The following GLT8D2 variants were observed in gnomAD, a reference collection of about 807,000 sequenced individuals.
GLT8D2 encodes glycosyltransferase 8 domain-containing protein 2.
A neutral mutation model predicts 44.5 loss-of-function variants in GLT8D2; 45 were observed. That is an observed-to-expected ratio of 1.01 (90% confidence interval 0.80 to 1.30). The LOEUF (loss-of-function observed/expected upper bound fraction) is 1.30, where lower values mean the gene tolerates loss of function less well. Ranked by LOEUF, GLT8D2 falls within the 50% of genes most tolerant of loss-of-function variation. GLT8D2 has a pLI of 0.00. For synonymous variants in GLT8D2, 156 were observed against 157.2 expected (o/e 0.99, Z 0.06); for missense variants, 400 against 430.4 (o/e 0.93, Z 0.62).
At chr12:104,050,660 G>C (rs1440771458), upstream of GLT8D2, among the ~76,000 whole-genome samples, 1 of 152,142 alleles carries the variant, frequency 6.6e-6, no homozygotes, top group Admixed American at 6.5e-5. Flanking sequence ...TCAAACCCGG[G>C]AGATGGTGCC....
chr12:104,063,185 G>A (rs555156680), intron 1 of GLT8D2, among the ~76,000 whole-genome samples: 21 of 152,210 alleles, frequency 1.4e-4, no homozygotes, highest in African/African-American at 4.8e-4. Flanking sequence ...AGCTGAAACA[G>A]GCAGTCACAA....
intron 10 of GLT8D2, among the ~76,000 whole-genome samples, chr12:103,991,291 A>C (rs1299177259): frequency 5.9e-5 from 9 of 152,128 alleles, no homozygotes; most frequent in Admixed American, 5.9e-4. Flanking sequence ...GGTTTAGGCT[A>C]TTCTCCTGCA....
chr12:104,001,838 G>A (rs1392947748), intron 5 of GLT8D2, among the ~76,000 whole-genome samples: 1 of 152,130 alleles, frequency 6.6e-6, no homozygotes, highest in Non-Finnish European at 1.5e-5. Flanking sequence ...CCAGTAGCTA[G>A]GATTACAGGA....
intron 1 of GLT8D2, among the ~76,000 whole-genome samples, chr12:104,025,103 C>T (rs896256172): frequency 9.4e-5 from 14 of 149,164 alleles, no homozygotes; most frequent in African/African-American, 3.0e-4. Flanking sequence ...CTGTGTTACG[C>T]GATTTGCAAA....
chr12:104,003,837 C>G (rs1271093309), intron 4 of GLT8D2, among the ~76,000 whole-genome samples: 3 of 152,074 alleles, frequency 2.0e-5, no homozygotes, highest in Non-Finnish European at 2.9e-5. Flanking sequence ...AAACCATACC[C>G]CCAAAGAGTT....
intron 1 of GLT8D2, among the ~76,000 whole-genome samples, chr12:104,021,924 GAAGAAGAAGAAGAAGAA>G (rs1877775606): frequency 9.2e-4 from 25 of 27,296 alleles, no homozygotes; most frequent in Middle Eastern, 0.014. Context: ...AGAAGAAGAA[GAAGAAGAAGAAGAAGAA>G]GAAGAAGAAG....
chr12:104,048,685 T>C (rs1041400038), intron 1 of GLT8D2, among the ~76,000 whole-genome samples: 1 of 152,110 alleles, frequency 6.6e-6, no homozygotes, highest in Non-Finnish European at 1.5e-5. Flanking sequence ...TGAGGAACAC[T>C]TGGACCACTG....
intron 1 of GLT8D2, among the ~76,000 whole-genome samples, chr12:104,055,958 C>G (rs1882152017): frequency 6.6e-6 from 1 of 152,216 alleles, no homozygotes; most frequent in South Asian, 2.1e-4. Flanking sequence ...AGGTCATCTT[C>G]CTGTTGCCCT....
chr12:104,048,925 G>A (rs1011020348), intron 1 of GLT8D2, among the ~76,000 whole-genome samples: 3 of 152,282 alleles, frequency 2.0e-5, no homozygotes, highest in East Asian at 1.9e-4. Flanking sequence ...ACCCGGAGTC[G>A]AGCTTAGAAG....
chr12:104,020,556 G>A (rs1349352507), intron 2 of GLT8D2, among the ~76,000 whole-genome samples: 2 of 152,192 alleles, frequency 1.3e-5, no homozygotes, highest in Non-Finnish European at 1.5e-5. Context: ...TTGGTCCAGT[G>A]GGGGAAACAG....
At chr12:103,996,885 A>G (rs755743531) in intron 7 of GLT8D2, 38 bp from the exon 8 acceptor site, 2 of 1,467,968 alleles carry the variant, frequency 1.4e-6, no homozygotes, top group Non-Finnish European at 1.9e-6. Flanking sequence ...ACATTATAGC[A>G]TTTGTTTTTG....
In GLT8D2 at chr12:103,996,823, G is replaced by A. The variant is rs149453281; in HGVS notation, c.512C>T (p.Thr171Ile). The change falls in exon 8 of 11, where the codon ACC becomes ATC. Residue 171 changes from threonine to isoleucine, a missense_variant. Coordinates refer to ENST00000360814, the MANE Select transcript of GLT8D2 (RefSeq NM_001384711.1). Reference protein sequence around the residue: ...VQGDIQELYDTTLALGHAAAF... With the variant: ...VQGDIQELYDITLALGHAAAF... ...CGCCGCGTGGCCCAGGGCCAAGGTG[G>A]TGTCATACAGTTCTTGGATATCACC... The A allele has an allele frequency of 2.2e-5, 36 of 1,613,284 alleles. No homozygotes were observed. The highest frequency in any genetic ancestry group is 8.0e-5 in the African/African-American group (6 of 74,884).
upstream of GLT8D2, among the ~76,000 whole-genome samples, chr12:104,051,225 A>G (rs1284033877): frequency 6.6e-6 from 1 of 151,856 alleles, no homozygotes; most frequent in Non-Finnish European, 1.5e-5. Flanking sequence ...GGTTCAGGCG[A>G]TCCTCCCGTC....
intron 1 of GLT8D2, among the ~76,000 whole-genome samples, chr12:104,026,393 A>G (rs868814272): frequency 6.6e-6 from 1 of 152,256 alleles, no homozygotes; most frequent in African/African-American, 2.4e-5. Context: ...CCCAAATTCT[A>G]ATTCGATCTT....
At chr12:104,012,733 T>A (rs1018840976) in intron 4 of GLT8D2, 13 of 674,882 alleles carry the variant, frequency 1.9e-5, no homozygotes, top group South Asian at 1.8e-4. Context: ...GCTTCCAGCA[T>A]CTCAGGATGT....
At chr12:104,059,216 G>A (rs1882423120) in intron 1 of GLT8D2, among the ~76,000 whole-genome samples, 1 of 152,150 alleles carries the variant, frequency 6.6e-6, no homozygotes, top group Non-Finnish European at 1.5e-5. Flanking sequence ...GAGAATTAAT[G>A]TATCTATTCA....
chr12:104,012,159 A>G (rs1875915868), intron 4 of GLT8D2, among the ~76,000 whole-genome samples: 1 of 124,428 alleles, frequency 8.0e-6, no homozygotes, highest in African/African-American at 3.1e-5. Context: ...AACAAGAGCG[A>G]AACTCTGTCT....
At chr12:104,019,039 C>T (rs1367982426) in intron 3 of GLT8D2, among the ~76,000 whole-genome samples, 1 of 149,316 alleles carries the variant, frequency 6.7e-6, no homozygotes, top group East Asian at 2.2e-4. Flanking sequence ...ATATTTATTC[C>T]GAACGAGAAA....
At chr12:104,035,232 A>C (rs762241552) in intron 1 of GLT8D2, among the ~76,000 whole-genome samples, 1 of 152,224 alleles carries the variant, frequency 6.6e-6, no homozygotes, top group Non-Finnish European at 1.5e-5. Context: ...GAAAAGCTGA[A>C]AATTCTAAAA....
Sources: allele counts gnomAD v4.1 joint callset (sites outside exome capture counted in the v4.1 genomes callset), GRCh38; gene constraint gnomAD v4.1.1; transcripts MANE v1.5; gene names NCBI Gene and HGNC (gene_info 2026-07-23, HGNC 2026-07-21).